UBR4: variants seen among roughly 807,000 people sequenced by gnomAD.
The protein encoded by UBR4 is E3 ubiquitin-protein ligase UBR4.
Under a neutral mutation model 575.6 loss-of-function variants are expected in UBR4, and 124 were observed. That is an observed-to-expected ratio of 0.22 (90% CI 0.19 to 0.25). The LOEUF is 0.25. UBR4 is among the 10% of genes least tolerant of loss of function. The probability of loss-of-function intolerance (pLI) is 1.00; values close to 1 mark genes in which losing one functional copy is unlikely to be tolerated. For synonymous variants in UBR4, 2,455 were observed against 2,473.7 expected, an observed-to-expected ratio of 0.99 and a Z score of 0.22; for missense variants, 4,818 against 6,478.8, an observed-to-expected ratio of 0.74 and a Z score of 8.80.
chr1:19,169,445 A>C lies in UBR4; in HGVS notation c.3731T>G (p.Ile1244Ser). ...CAGATAGGGACTCACCCAGGATCCA[A>C]TATTGGGAAATTCATTGGTATTGAT... ...NNINTNEFPN[I>S]GSWRNAFAND... Residue 1244 changes from isoleucine (I) to serine (S), a missense_variant, in exon 27 of 106, where the codon ATT (isoleucine) becomes AGT (serine). By Grantham distance (142) the Ile-to-Ser change is moderately radical. Transcript: ENST00000375254. The C allele has an allele frequency of 6.2e-7, 1 of 1,613,598 alleles. No homozygotes were observed. Among genetic ancestry groups the C allele is most frequent in the Non-Finnish European group, 8.5e-7 (1 of 1,179,778 alleles).
At position 19,167,368 on chromosome 1, in the gene UBR4, C is replaced by T. The variant is rs562396968; in HGVS notation, c.3900-137G>A. The T allele has an allele frequency of 7.1e-5, 54 of 765,326 alleles. No homozygotes were observed. The African/African-American group carries it at 9.0e-4, about 13-fold the overall frequency. 47.4% of individuals were successfully genotyped at this position (765,326 alleles called of 1,614,324 possible). A position where few individuals can be genotyped will look rare whatever the true frequency, so the allele number is the denominator to read the frequency against. On this transcript the variant is annotated intron_variant, in intron 28 of 105. Transcript: ENST00000375254. ...CAAGGGCCTTTATTCCAGTCTTTTT[C>T]CCATGATAGCTATTTTATACACAGG...
intron 71 of UBR4, 152 bp downstream of exon 71, chr1:19,118,720 G>A: frequency 1.4e-6 from 1 of 699,268 alleles, no homozygotes; most frequent in Non-Finnish European, 2.4e-6. Context: ...GCAAGACCCT[G>A]GCCTACATGG....
Position 19,146,760 on chromosome 1 carries a change from A to C in UBR4, c.7804+66T>G, listed in dbSNP as rs1267075251. On this transcript the variant is annotated intron_variant, in intron 52 of 105. Coordinates refer to ENST00000375254, the MANE Select transcript of UBR4 (RefSeq NM_020765.3). ...CAGTCAGAGGCCAGTAAGAACAGTA[A>C]GAATGAGAGGGTAAATAGGCATATG... 2.6e-6 allele frequency: 4 copies of C among 1,542,118 alleles called. No individual in the cohort carries two copies. The African/African-American group carries it at 5.5e-5, about 21-fold the overall frequency.
intron 17 of UBR4, among the ~76,000 whole-genome samples, chr1:19,180,914 A>G (rs2090878817): frequency 6.6e-6 from 1 of 150,904 alleles, no homozygotes; most frequent in South Asian, 2.1e-4. Flanking sequence ...CCCTTCCTCC[A>G]CTCCTCTTTC....
rs921949512 is a variant in UBR4 at position 19,174,445 on chromosome 1, T to G, written c.2856A>C (p.Ala952=). The part of the protein sequence containing the change: ...EDDLNRLDSV[A]CDVLFSKLVK... ...CAAGCTTGGAGAAAAGGACGTCACA[T>G]GCCTGACATCAAGAAAGAAAGAGAG... Residue 952 remains alanine, a splice_region_variant and synonymous_variant, in exon 22 of 106, where the codon GCA becomes GCC. Coordinates refer to ENST00000375254, the MANE Select transcript of UBR4 (RefSeq NM_020765.3). 3 of 1,608,338 alleles carry G rather than the reference T, an allele frequency of 1.9e-6. No individual in the cohort carries two copies. Among genetic ancestry groups the G allele is most frequent in the Non-Finnish European group, 2.5e-6 (3 of 1,179,820 alleles).
rs1471568824 is a variant in UBR4 at position 19,174,965 on chromosome 1, G to T, written c.2842C>A (p.Leu948Ile). 6 of 1,613,864 alleles carry T rather than the reference G, an allele frequency of 3.7e-6. No homozygotes were observed. The highest frequency in any genetic ancestry group is 1.7e-5 in the Admixed American group (1 of 59,980). The change falls in exon 21 of 106, where the codon CTT becomes ATT. Residue 948 changes from leucine to isoleucine, a missense_variant. By Grantham distance (5) the Leu-to-Ile change is conservative. This residue lies in a region of UBR4 where 1,172 missense variants were observed against 1,259.7 expected (regional missense o/e 0.93). Coordinates refer to ENST00000375254, the MANE Select transcript of UBR4 (RefSeq NM_020765.3). ...PEASEDDLNR[L>I]DSVACDVLFS... ...AAAATTCCTAGTACCACAGAATCAA[G>T]TCGGTTCAAATCATCCTCTGAGGCT...
chr1:19,205,432 T>C (rs950574423), intron 1 of UBR4, among the ~76,000 whole-genome samples: 1 of 152,228 alleles, frequency 6.6e-6, no homozygotes, highest in Non-Finnish European at 1.5e-5. Context: ...ATCAGTTTCA[T>C]GTACTCTCTA....
At chr1:19,161,186 T>C (rs201374925) in intron 37 of UBR4, 39 bp from the exon 38 acceptor site, 1 of 1,588,758 alleles carries the variant, frequency 6.3e-7, no homozygotes, top group East Asian at 2.3e-5. Flanking sequence ...AGTTCTTGCC[T>C]CAAGCACAGA....
At chr1:19,097,351 T>C (rs1247043621) in intron 90 of UBR4, 71 bp from the exon 91 acceptor site, 23 of 1,405,298 alleles carry the variant, frequency 1.6e-5, no homozygotes, top group Non-Finnish European at 2.2e-5. Context: ...CCATACTTGG[T>C]CTTGCTTAAA....
Position 19,121,409 on chromosome 1 carries a change from G to T in UBR4, c.9921C>A (p.Val3307=). 6.2e-7 allele frequency: 1 copy of T among 1,613,966 alleles called. No individual in the cohort carries two copies. Among genetic ancestry groups the T allele is most frequent in the South Asian group, 1.1e-5 (1 of 91,040 alleles). The change falls in exon 68 of 106, where the codon GTC becomes GTA. Residue 3307 remains valine (V), a synonymous_variant. Transcript: ENST00000375254. ...ACACGCCCTCATCCACAAGGAAACT[G>T]ACTTGGAGGAGGAAGTACAGGACGG... The part of the protein sequence containing the change: ...DDSVLYFLLQ[V]SFLVDEGVSP...
Position 19,141,722 on chromosome 1 carries a change from C to A in UBR4, c.8235G>T (p.Gly2745=), listed in dbSNP as rs931210923. The change falls in exon 56 of 106, where the codon GGG becomes GGT. Residue 2745 remains glycine, a synonymous_variant. Transcript: ENST00000375254. ...GACGGATGTGACCACCATTCGGGAT[C>A]CCTGATGACTGCATTTTCTCATCTG... is the stretch of plus-strand genomic sequence containing the variant. ...DDADEKMQSS[G]IPNGGHIRQE... is the part of the protein sequence containing the mutation. The A allele has an allele frequency of 3.1e-6, 5 of 1,614,244 alleles. No homozygotes were observed. Among genetic ancestry groups the A allele is most frequent in the Non-Finnish European group, 4.2e-6 (5 of 1,180,050 alleles).
chr1:19,180,648 C>T (rs766922893), intron 17 of UBR4, among the ~76,000 whole-genome samples: 2 of 151,558 alleles, frequency 1.3e-5, no homozygotes, highest in African/African-American at 2.4e-5. Context: ...AATCAAGGGG[C>T]GTACCTAGCC....
At chr1:19,120,842 T>C (rs2081095793) in intron 68 of UBR4, among the ~76,000 whole-genome samples, 1 of 152,188 alleles carries the variant, frequency 6.6e-6, no homozygotes, top group Non-Finnish European at 1.5e-5. Flanking sequence ...AGAGCTAACA[T>C]TTACTGAGCA....
chr1:19,096,452 T>C (rs1391618176), intron 92 of UBR4, 71 bp downstream of exon 92: 10 of 1,566,616 alleles, frequency 6.4e-6, no homozygotes, highest in East Asian at 2.3e-5. Flanking sequence ...ACAGTGGCCA[T>C]AGCTTCTTTC....
chr1:19,148,208 C>T (rs576843025), intron 50 of UBR4, 81 bp from the exon 51 acceptor site: 212 of 1,499,388 alleles, frequency 1.4e-4, no homozygotes, highest in Non-Finnish European at 1.6e-4. Context: ...CCTGCCCTTC[C>T]TTCCTTCTAG....
At chr1:19,165,429 T>A in intron 30 of UBR4, 80 bp from the exon 31 acceptor site, 1 of 1,307,230 alleles carries the variant, frequency 7.6e-7, no homozygotes, top group Non-Finnish European at 1.1e-6. Flanking sequence ...CACAATCTCA[T>A]CTCCTCTGGG....
In UBR4 at chr1:19,164,404, T is replaced by A; in HGVS notation, c.4549A>T (p.Thr1517Ser). 6.2e-7 allele frequency: 1 copy of A among 1,614,106 alleles called. No homozygotes were observed. Among genetic ancestry groups the A allele is most frequent in the Non-Finnish European group, 8.5e-7 (1 of 1,180,014 alleles). Residue 1517 changes from threonine (T) to serine (S), a missense_variant, in exon 33 of 106, where the codon ACC becomes TCC. Thr to Ser is a moderately conservative substitution (Grantham distance 58, BLOSUM62 1). Around this residue, in one of 29 missense-constraint regions of UBR4, gnomAD observed 1,172 missense variants for 1,259.7 expected, o/e 0.93. Coordinates refer to ENST00000375254, the MANE Select transcript of UBR4 (RefSeq NM_020765.3). ...ATCTCTGTTGCCATGGGAGTCAGGG[T>A]GCCCAGAAGAACAGCACACACACCT... ...GEGVCAVLLGTLTPMATEMLA... is the reference protein window; with the variant it reads ...GEGVCAVLLGSLTPMATEMLA...
rs774960335 is a variant in UBR4, at chr1:19,179,129, C to T, written c.2276G>A (p.Arg759His). The T allele has an allele frequency of 4.3e-5, 70 of 1,613,650 alleles. No individual in the cohort carries two copies. Among genetic ancestry groups the T allele is most frequent in the Non-Finnish European group, 5.4e-5 (64 of 1,179,924 alleles). Residue 759 changes from arginine to histidine, a missense_variant, in exon 18 of 106, where the codon CGC becomes CAC. Arg to His is a conservative substitution (Grantham distance 29, BLOSUM62 0). Around this residue, in one of 29 missense-constraint regions of UBR4, gnomAD observed 1,172 missense variants for 1,259.7 expected, o/e 0.93. Coordinates refer to ENST00000375254, the MANE Select transcript of UBR4 (RefSeq NM_020765.3). ...IHPQSLSVLS[R>H]LLLIWQHKAS... is the part of the protein sequence containing the mutation. ...TTTATGTTGCCAGATGAGCAGGAGG[C>T]GTGAAAGCACAGAGAGGCTTTGAGG...
At chr1:19,114,706 C>T (rs1447708583) in intron 75 of UBR4, 105 bp downstream of exon 75, 9 of 1,454,774 alleles carry the variant, frequency 6.2e-6, no homozygotes, top group Middle Eastern at 2.5e-4. Context: ...GGTGTTGAGT[C>T]GAAGAAGGCT....
Sources: gnomAD v4.1 joint callset for allele counts (sites outside exome capture counted in the v4.1 genomes callset) on GRCh38, gnomAD v4.1.1 for gene constraint, gnomAD v4.1.1 regional missense constraint, MANE v1.5 for transcripts, NCBI Gene and HGNC (gene_info 2026-07-23, HGNC 2026-07-21) for gene names.